Variants in PLXDC2 observed in about 807,000 individuals in gnomAD.
PLXDC2 encodes plexin domain containing 2.
A neutral mutation model predicts 68.9 loss-of-function variants in PLXDC2; 40 were observed. The ratio of observed to expected loss-of-function variants is 0.58; its 90% CI spans 0.45 to 0.76. PLXDC2 has a LOEUF of 0.76. Ranked by LOEUF, PLXDC2 falls within the 30% of genes least tolerant of loss-of-function variation. PLXDC2 has a pLI of 0.00. For synonymous variants in PLXDC2, 243 were observed against 234.2 expected, an observed-to-expected ratio of 1.04 and a Z score of -0.34; for missense variants, 644 against 661.9, an observed-to-expected ratio of 0.97 and a Z score of 0.30.
chr10:20,105,822 C>A (rs1564317022), intron 4 of PLXDC2, among the ~76,000 whole-genome samples: 1 of 152,214 alleles, frequency 6.6e-6, no homozygotes, highest in Non-Finnish European at 1.5e-5. Context: ...CGGTACAAAT[C>A]CTCGAGCTGC....
intron 11 of PLXDC2, 87 bp from the exon 12 acceptor site, chr10:20,218,977 A>C: frequency 7.1e-7 from 1 of 1,415,632 alleles, no homozygotes; most frequent in East Asian, 2.4e-5. Flanking sequence ...CGACCAAGGC[A>C]GTTAGTAGAC....
chr10:20,009,017 A>G (rs1178844503), intron 2 of PLXDC2, among the ~76,000 whole-genome samples: 1 of 152,168 alleles, frequency 6.6e-6, no homozygotes, highest in Non-Finnish European at 1.5e-5. Flanking sequence ...ACGGACTAAT[A>G]CAAGAGAGTA....
intron 1 of PLXDC2, among the ~76,000 whole-genome samples, chr10:19,907,381 C>G (rs57073633): frequency 6.6e-6 from 1 of 152,002 alleles, no homozygotes; most frequent in African/African-American, 2.4e-5. Context: ...ATGTCCTCAC[C>G]CTCTCCCCAC....
intron 1 of PLXDC2, among the ~76,000 whole-genome samples, chr10:19,942,808 A>T (rs933829781): frequency 6.6e-6 from 1 of 152,110 alleles, no homozygotes; most frequent in Non-Finnish European, 1.5e-5. Flanking sequence ...GAAACAAATA[A>T]TTGGGTTCTT....
chr10:20,082,073 A>AAAAAAAAAAAG (rs1836576285), intron 4 of PLXDC2, among the ~76,000 whole-genome samples: 1 of 149,486 alleles, frequency 6.7e-6, no homozygotes. Flanking sequence ...TCAAAAAAAA[A>AAAAAAAAAAAG]AAACAGGAGA....
At chr10:19,839,276 C>G (rs1836860102) in intron 1 of PLXDC2, among the ~76,000 whole-genome samples, 1 of 152,104 alleles carries the variant, frequency 6.6e-6, no homozygotes, top group African/African-American at 2.4e-5. Flanking sequence ...ACCCATGGCC[C>G]ATGTGCCCTG....
chr10:20,094,359 A>C (rs1219855049), intron 4 of PLXDC2, among the ~76,000 whole-genome samples: 1 of 152,136 alleles, frequency 6.6e-6, no homozygotes, highest in Non-Finnish European at 1.5e-5. Flanking sequence ...ACAGTAGGCA[A>C]CTCGCCTAAG....
chr10:20,058,244 A>C (rs547450434), intron 3 of PLXDC2, among the ~76,000 whole-genome samples: 1 of 152,270 alleles, frequency 6.6e-6, no homozygotes, highest in African/African-American at 2.4e-5. Flanking sequence ...TAGGGTACCC[A>C]TCACATAGAG....
intron 13 of PLXDC2, among the ~76,000 whole-genome samples, chr10:20,263,027 G>A (rs1835828777): frequency 6.6e-6 from 1 of 152,182 alleles, no homozygotes; most frequent in Admixed American, 6.5e-5. Flanking sequence ...AAGACCCTAA[G>A]TACCTTATTC....
At position 19,907,804 on chromosome 10, in the gene PLXDC2, G is replaced by A. The variant is rs73601641; in HGVS notation, c.112+90613G>A. Among the ~76,000 whole-genome samples, 772 of 152,192 alleles carry A rather than the reference G, an allele frequency of 5.1e-3. 4 individuals carry two copies. Among genetic ancestry groups the A allele is most frequent in the African/African-American group, 0.017 (720 of 41,506 alleles). ...TTGACATAAAAGGGGTATCGGACTG[G>A]CTAATAACAGACTGTTCCCTCCTTG... is the stretch of plus-strand genomic sequence containing the variant. On this transcript the variant is annotated intron_variant, in intron 1 of 13. Coordinates refer to ENST00000377252, the MANE Select transcript of PLXDC2 (RefSeq NM_032812.9).
intron 2 of PLXDC2, among the ~76,000 whole-genome samples, chr10:20,040,171 A>G (rs1262485565): frequency 2.0e-5 from 3 of 152,096 alleles, no homozygotes; most frequent in African/African-American, 7.2e-5. Flanking sequence ...TCATTCCTTT[A>G]TCACCCTTAG....
At chr10:20,086,357 T>G (rs995191534) in intron 4 of PLXDC2, among the ~76,000 whole-genome samples, 1 of 141,306 alleles carries the variant, frequency 7.1e-6, no homozygotes, top group African/African-American at 2.9e-5. Flanking sequence ...TTTATTTATT[T>G]TTTAATTTTT....
intron 11 of PLXDC2, 51 bp downstream of exon 11, chr10:20,217,627 CT>C (rs1835158368): frequency 3.7e-6 from 5 of 1,356,782 alleles, no homozygotes; most frequent in Non-Finnish European, 3.9e-6. Context: ...TTTTTTTTCC[CT>C]GAAGGAAGGA....
chr10:20,045,320 G>T (rs182970126), intron 2 of PLXDC2, among the ~76,000 whole-genome samples: 19 of 152,020 alleles, frequency 1.2e-4, no homozygotes, highest in Admixed American at 4.6e-4. Flanking sequence ...ACAAGCACCC[G>T]CCACTGCACC....
chr10:20,224,888 G>A (rs1026021985), intron 12 of PLXDC2, among the ~76,000 whole-genome samples: 32 of 152,078 alleles, frequency 2.1e-4, no homozygotes, highest in African/African-American at 7.5e-4. Flanking sequence ...CAGCACTCCA[G>A]GTGACAGCAT....
chr10:20,048,050 A>G (rs1485302350), intron 3 of PLXDC2, among the ~76,000 whole-genome samples: 2 of 152,158 alleles, frequency 1.3e-5, no homozygotes, highest in African/African-American at 4.8e-5. Flanking sequence ...GTTAAGTATG[A>G]CCTGAAGTGA....
At chr10:19,858,111 C>T (rs1837248733) in intron 1 of PLXDC2, among the ~76,000 whole-genome samples, 1 of 152,094 alleles carries the variant, frequency 6.6e-6, no homozygotes, top group South Asian at 2.1e-4. Context: ...GGAACAGAAC[C>T]AGCAGTGGAA....
At chr10:20,148,186 T>A (rs1387668444) in intron 6 of PLXDC2, among the ~76,000 whole-genome samples, 2 of 152,078 alleles carry the variant, frequency 1.3e-5, no homozygotes, top group Non-Finnish European at 2.9e-5. Flanking sequence ...GAGTGAAATG[T>A]CTCTAAGAAA....
At chr10:20,215,103 C>T (rs1835118434) in intron 10 of PLXDC2, among the ~76,000 whole-genome samples, 1 of 151,984 alleles carries the variant, frequency 6.6e-6, no homozygotes, top group South Asian at 2.1e-4. Flanking sequence ...CCATAAGAAC[C>T]ACCCCAACAC....
Sources: allele counts gnomAD v4.1 joint callset (sites outside exome capture counted in the v4.1 genomes callset), GRCh38; gene constraint gnomAD v4.1.1; transcripts MANE v1.5; gene names NCBI Gene and HGNC (gene_info 2026-07-23, HGNC 2026-07-21).